The following AGFG1 variants were observed in gnomAD, a reference collection of about 807,000 sequenced individuals.
AGFG1 encodes the protein ArfGAP with FG repeats 1, also known as arf-GAP domain and FG repeat-containing protein 1.
A neutral mutation model predicts 60.6 loss-of-function variants in AGFG1; 10 were observed. That is an observed-to-expected ratio of 0.16 (90% CI 0.10 to 0.28). AGFG1 has a LOEUF of 0.28. AGFG1 is among the 10% of genes least tolerant of loss of function. The probability of loss-of-function intolerance (pLI) is 1.00; values close to 1 mark genes in which losing one functional copy is unlikely to be tolerated. For missense variants in AGFG1, 537 were observed against 676.5 expected, an observed-to-expected ratio of 0.79 and a Z score of 2.29; for synonymous variants, 247 against 242.9, an observed-to-expected ratio of 1.02 and a Z score of -0.16.
At chr2:227,537,101 T>A in intron 10 of AGFG1, 108 bp downstream of exon 10, 1 of 856,802 alleles carries the variant, frequency 1.2e-6, no homozygotes, top group South Asian at 1.7e-5. Context: ...GTGAAGTGAA[T>A]GGCAATGGAT....
At chr2:227,509,674 G>A (rs1018115584) in intron 2 of AGFG1, among the ~76,000 whole-genome samples, 1 of 151,760 alleles carries the variant, frequency 6.6e-6, no homozygotes, top group Non-Finnish European at 1.5e-5. Flanking sequence ...TATGTGGGAT[G>A]TGTTTCCACT....
intron 10 of AGFG1, among the ~76,000 whole-genome samples, chr2:227,537,512 C>G (rs1463527602): frequency 6.6e-6 from 1 of 152,130 alleles, no homozygotes; most frequent in Non-Finnish European, 1.5e-5. Context: ...AAACTTGATT[C>G]AGTCGTGGGT....
At chr2:227,509,518 A>T (rs1451155813) in intron 2 of AGFG1, among the ~76,000 whole-genome samples, 1 of 152,146 alleles carries the variant, frequency 6.6e-6, no homozygotes, top group Admixed American at 6.5e-5. Context: ...TGCTATGGTT[A>T]TGTAAAAGAA....
At chr2:227,488,526 G>A (rs943052966) in intron 1 of AGFG1, among the ~76,000 whole-genome samples, 8 of 152,196 alleles carry the variant, frequency 5.3e-5, no homozygotes, top group African/African-American at 1.9e-4. Context: ...TTACCAGTAG[G>A]TGGAAAGGTT....
intron 2 of AGFG1, among the ~76,000 whole-genome samples, chr2:227,499,747 A>G (rs1200841695): frequency 6.6e-6 from 1 of 152,148 alleles, no homozygotes; most frequent in Non-Finnish European, 1.5e-5. Context: ...TGTGGCATAG[A>G]TTCAGGCAGA....
rs966428320 is a variant in AGFG1, at chr2:227,536,869, G to A, written c.1286-32G>A. The A allele has an allele frequency of 2.5e-6, 4 of 1,583,454 alleles. No homozygotes were observed. The African/African-American group carries it at 4.1e-5, about 16-fold the overall frequency. On this transcript the variant is annotated intron_variant, in intron 9 of 12. Transcript: ENST00000310078. Reference sequence around the variant, plus strand: ...AAATCTTAAATACAAAATGTATTAGGATTTTATAGTGTATTTTATAATTTT... The same window carrying A: ...AAATCTTAAATACAAAATGTATTAGAATTTTATAGTGTATTTTATAATTTT...
intron 4 of AGFG1, among the ~76,000 whole-genome samples, chr2:227,524,279 G>A (rs898772443): frequency 1.3e-5 from 2 of 151,570 alleles, no homozygotes; most frequent in Non-Finnish European, 2.9e-5. Flanking sequence ...AGAATGTATA[G>A]TCTCTTTGAT....
At chr2:227,519,087 A>G (rs1367464235) in intron 2 of AGFG1, among the ~76,000 whole-genome samples, 6 of 152,160 alleles carry the variant, frequency 3.9e-5, no homozygotes, top group Non-Finnish European at 8.8e-5. Flanking sequence ...AAGTGGGAGG[A>G]TGGCTTGAGC....
chr2:227,479,525 AG>A (rs34707837), intron 1 of AGFG1, among the ~76,000 whole-genome samples: 11,849 of 152,248 alleles, frequency 0.078, 678 homozygotes, highest in Non-Finnish European at 0.12. Flanking sequence ...CTGTTCCAAT[AG>A]CATTCTTTGG....
intron 1 of AGFG1, among the ~76,000 whole-genome samples, chr2:227,479,634 C>T (rs1184307707): frequency 1.3e-5 from 2 of 152,166 alleles, no homozygotes; most frequent in Non-Finnish European, 2.9e-5. Flanking sequence ...ATATTCGGGA[C>T]TAGGTTTTAC....
chr2:227,493,246 T>G (rs1690870805), intron 2 of AGFG1, among the ~76,000 whole-genome samples: 1 of 152,194 alleles, frequency 6.6e-6, no homozygotes, highest in Non-Finnish European at 1.5e-5. Context: ...GACATAGTGC[T>G]GTATAGCAGA....
chr2:227,503,063 T>C (rs1424392687), intron 2 of AGFG1, among the ~76,000 whole-genome samples: 1 of 151,890 alleles, frequency 6.6e-6, no homozygotes, highest in Non-Finnish European at 1.5e-5. Context: ...TGAGACCCTG[T>C]CTCTACAAAA....
chr2:227,534,112 G>A (rs34302010), intron 7 of AGFG1, among the ~76,000 whole-genome samples: 10,942 of 151,644 alleles, frequency 0.072, 523 homozygotes, highest in Admixed American at 0.11. Flanking sequence ...TATTTACTTC[G>A]AACAATTTTC....
In AGFG1 at chr2:227,515,585, T is replaced by G. The variant is rs557733701; in HGVS notation, c.262-4363T>G. 4.6e-5 allele frequency among the ~76,000 whole-genome samples: 7 copies of G among 152,220 alleles called. No individual in the cohort carries two copies. In the South Asian group the frequency reaches 1.5e-3, roughly 32 times the overall value. ...TCCATGGTCTGTTAATATAATCACC[T>G]TTTTCCAACTTCTGTCATATTCTGC... On this transcript the variant is annotated intron_variant, in intron 2 of 12. Transcript: ENST00000310078.
intron 2 of AGFG1, among the ~76,000 whole-genome samples, chr2:227,516,724 C>T (rs1691661603): frequency 6.6e-6 from 1 of 152,212 alleles, no homozygotes; most frequent in Admixed American, 6.5e-5. Context: ...CTTAGCCCAT[C>T]TGCTTCATTT....
intron 2 of AGFG1, among the ~76,000 whole-genome samples, chr2:227,492,647 A>G (rs1559171207): frequency 6.6e-6 from 1 of 152,138 alleles, no homozygotes; most frequent in Non-Finnish European, 1.5e-5. Context: ...GTGAGGAAAT[A>G]TAAATTCACA....
chr2:227,503,123 G>C (rs1294261449), intron 2 of AGFG1, among the ~76,000 whole-genome samples: 1 of 151,804 alleles, frequency 6.6e-6, no homozygotes, highest in African/African-American at 2.4e-5. Flanking sequence ...TTCCCAGCTA[G>C]TTGGGAGGCT....
intron 2 of AGFG1, among the ~76,000 whole-genome samples, chr2:227,518,154 T>C (rs1385944815): frequency 1.3e-5 from 2 of 152,378 alleles, no homozygotes; most frequent in Admixed American, 1.3e-4. Flanking sequence ...TTTTAATTGC[T>C]GAATAATGTT....
At chr2:227,488,321 T>G (rs1050439981) in intron 1 of AGFG1, among the ~76,000 whole-genome samples, 8 of 152,256 alleles carry the variant, frequency 5.3e-5, no homozygotes, top group Admixed American at 5.2e-4. Context: ...TTTGTGAGAT[T>G]ACATATGTGT....
Sources: allele counts gnomAD v4.1 joint callset (sites outside exome capture counted in the v4.1 genomes callset), GRCh38; gene constraint gnomAD v4.1.1; transcripts MANE v1.5; gene names NCBI Gene and HGNC (gene_info 2026-07-23, HGNC 2026-07-21).